The following ITGA9 variants were observed in gnomAD, a reference collection of about 807,000 sequenced individuals.
ITGA9 encodes the protein integrin subunit alpha 9.
ITGA9 carries 56 observed loss-of-function variants against 127.8 expected under a neutral mutation model. That is an observed-to-expected ratio of 0.44 (90% confidence interval 0.35 to 0.55). The LOEUF is 0.55. Among genes scored for constraint, ITGA9 ranks in the 20% least tolerant of loss-of-function variants. ITGA9 has a pLI of 0.00. For synonymous variants in ITGA9, 508 were observed against 514.5 expected (o/e 0.99, Z 0.17); for missense variants, 1,196 against 1,347.1 (o/e 0.89, Z 1.76).
At chr3:37,749,898 G>A (rs1230780134) in intron 22 of ITGA9, among the ~76,000 whole-genome samples, 3 of 152,124 alleles carry the variant, frequency 2.0e-5, no homozygotes, top group Non-Finnish European at 4.4e-5. Flanking sequence ...ACTGGCAAAG[G>A]AAAGAGGTTG....
At chr3:37,747,220 A>G (rs563422073) in intron 22 of ITGA9, among the ~76,000 whole-genome samples, 1 of 152,240 alleles carries the variant, frequency 6.6e-6, no homozygotes, top group Admixed American at 6.5e-5. Flanking sequence ...TGAACCTGTC[A>G]TCATCATCTA....
chr3:37,533,489 G>A, intron 14 of ITGA9, 21 bp downstream of exon 14: 1 of 1,613,074 alleles, frequency 6.2e-7, no homozygotes, highest in Non-Finnish European at 8.5e-7. Context: ...ACCAAGTCAG[G>A]GCTCAGGATA....
intron 19 of ITGA9, chr3:37,733,023 G>A (rs1696313527): frequency 1.8e-6 from 1 of 552,876 alleles, no homozygotes; most frequent in South Asian, 1.9e-5. Flanking sequence ...TTCACATGAT[G>A]TACCCCAAAT....
chr3:37,587,410 A>G (rs536235319), intron 15 of ITGA9, among the ~76,000 whole-genome samples: 1 of 152,344 alleles, frequency 6.6e-6, no homozygotes, highest in East Asian at 1.9e-4. Context: ...TGAAAGACAA[A>G]GGGAGTTTTA....
At position 37,819,991 on chromosome 3, in the gene ITGA9, C is replaced by T. The variant is rs1697492902; in HGVS notation, c.*1002C>T. 6.6e-6 allele frequency: 1 copy of T among 152,156 alleles called. No homozygotes were observed. The highest frequency in any genetic ancestry group is 2.4e-5 in the African/African-American group (1 of 41,420). The allele number at this position is 152,156 out of a possible 1,614,324, so 9.4% of individuals were successfully genotyped here. On this transcript the variant is annotated 3_prime_UTR_variant, in exon 28 of 28. Transcript: ENST00000264741. The stretch of plus-strand genomic sequence containing the variant: ...TCATTTCCCCTACCACCCTGGCTGT[C>T]CCAGCTAGTGGTGATTGCAGATTCC...
chr3:37,741,776 C>A lies in ITGA9; in HGVS notation c.2281C>A (p.Leu761Met). The change falls in exon 21 of 28, where the codon CTG becomes ATG. Residue 761 changes from leucine (L) to methionine (M), a missense_variant. Physicochemically the swap from Leu to Met is conservative, Grantham distance 15. Coordinates refer to ENST00000264741, the MANE Select transcript of ITGA9 (RefSeq NM_002207.3). ...SESLHDNTLV[L>M]MVPLMHEVDT... ...ATCCCTGCATGACAACACCCTCGTGCTGATGGTGCCACTGATGCACGAGGT... is the reference window on the plus strand; with the variant it reads ...ATCCCTGCATGACAACACCCTCGTGATGATGGTGCCACTGATGCACGAGGT... 1.9e-6 allele frequency: 3 copies of A among 1,613,874 alleles called. No homozygotes were observed. Among genetic ancestry groups the A allele is most frequent in the Non-Finnish European group, 2.5e-6 (3 of 1,179,906 alleles).
chr3:37,777,512 G>T lies in ITGA9; in HGVS notation c.2662G>T (p.Val888Phe), dbSNP rs777183871. ...FAFFTKSGRK[V>F]LDCEKPGISC... ...TTTTTTCACAAAGTCTGGAAGAAAA[G>T]TCTTGGTAAGGATTTGTTTAGTGGT... is the stretch of plus-strand genomic sequence containing the variant. Residue 888 changes from valine (V) to phenylalanine (F), a missense_variant, in exon 24 of 28, where the codon GTC becomes TTC. By Grantham distance (50) the Val-to-Phe change is conservative (BLOSUM62 -1). Coordinates refer to ENST00000264741, the MANE Select transcript of ITGA9 (RefSeq NM_002207.3). The T allele has an allele frequency of 6.2e-7, 1 of 1,614,178 alleles. No individual in the cohort carries two copies. Among genetic ancestry groups the T allele is most frequent in the Non-Finnish European group, 8.5e-7 (1 of 1,180,012 alleles).
In ITGA9 at chr3:37,506,090, G is replaced by A. The variant is rs1213816982; in HGVS notation, c.828+5G>A. ...CAGGACAAAGGCATCGGCAAGGTGA[G>A]GAGAAACATCTGTGGAATAGCTGGG... On this transcript the variant is annotated splice_donor_5th_base_variant and intron_variant, in intron 7 of 27. Transcript: ENST00000264741. 5 of 1,596,980 alleles carry A rather than the reference G, an allele frequency of 3.1e-6. No individual in the cohort carries two copies. The highest frequency in any genetic ancestry group is 4.3e-6 in the Non-Finnish European group (5 of 1,168,138).
chr3:37,542,502 G>A lies in ITGA9; in HGVS notation c.1606G>A (p.Gly536Arg). ...QMPRVYFVLL[G>R]ETMGQVTEKL... ...GCCCAGGGTCTACTTTGTGCTGCTGGGAGAGACCATGGGTCAGGTCACAGA... is the reference window on the plus strand; with the variant it reads ...GCCCAGGGTCTACTTTGTGCTGCTGAGAGAGACCATGGGTCAGGTCACAGA... Residue 536 changes from glycine to arginine, a missense_variant, in exon 15 of 28, where the codon GGA (glycine) becomes AGA (arginine). Physicochemically the swap from Gly to Arg is moderately radical, Grantham distance 125 (BLOSUM62 -2). Transcript: ENST00000264741. 6.2e-7 allele frequency: 1 copy of A among 1,614,100 alleles called. No homozygotes were observed. Among genetic ancestry groups the A allele is most frequent in the Non-Finnish European group, 8.5e-7 (1 of 1,180,010 alleles).
chr3:37,478,325 G>A (rs1049473284), intron 3 of ITGA9, among the ~76,000 whole-genome samples: 5 of 152,196 alleles, frequency 3.3e-5, no homozygotes, highest in African/African-American at 1.2e-4. Context: ...AGGGACTGAT[G>A]TGCCTTTGTG....
intron 16 of ITGA9, among the ~76,000 whole-genome samples, chr3:37,639,955 TGATGACA>T (rs920313862): frequency 6.6e-6 from 1 of 152,084 alleles, no homozygotes; most frequent in African/African-American, 2.4e-5. Flanking sequence ...ATACCAATGG[TGATGACA>T]GAGGCCCTGT....
chr3:37,618,038 C>G (rs1055109074), intron 15 of ITGA9, among the ~76,000 whole-genome samples: 1 of 152,210 alleles, frequency 6.6e-6, no homozygotes, highest in South Asian at 2.1e-4. Flanking sequence ...GAGAGGCACT[C>G]TCATTTTTAG....
intron 15 of ITGA9, among the ~76,000 whole-genome samples, chr3:37,561,199 A>G (rs1305256685): frequency 6.6e-6 from 1 of 152,236 alleles, no homozygotes; most frequent in Non-Finnish European, 1.5e-5. Flanking sequence ...TTAGTCCAAT[A>G]TAGCCAAAAT....
At chr3:37,789,895 A>G (rs1697088176) in intron 26 of ITGA9, 1 of 624,086 alleles carries the variant, frequency 1.6e-6, no homozygotes. Flanking sequence ...AGGAGTACAC[A>G]TAGGAAATTT....
At position 37,542,551 on chromosome 3, in the gene ITGA9, AGGAGACGTGTC is replaced by A; in HGVS notation, c.1657_1667del (p.Glu553SerfsTer20). ...GAGAAGCTGCAGCTGACTTACATGGAGGAGACGTGTCGTCACTATGTGGCCCATGTGAAGGT... is the reference window on the plus strand; with the variant it reads ...GAGAAGCTGCAGCTGACTTACATGGAGTCACTATGTGGCCCATGTGAAGGT... On this transcript the variant is annotated frameshift_variant, in exon 15 of 28. Coordinates refer to ENST00000264741, the MANE Select transcript of ITGA9 (RefSeq NM_002207.3). LOFTEE classifies it high-confidence loss of function. 6.2e-7 allele frequency: 1 copy of A among 1,614,132 alleles called. No individual in the cohort carries two copies. Among genetic ancestry groups the A allele is most frequent in the Non-Finnish European group, 8.5e-7 (1 of 1,180,016 alleles).
intron 15 of ITGA9, among the ~76,000 whole-genome samples, chr3:37,568,306 C>T (rs1411045723): frequency 6.6e-6 from 1 of 152,168 alleles, no homozygotes; most frequent in South Asian, 2.1e-4. Context: ...AGCAGGGGGA[C>T]CCCAGGCCTG....
At chr3:37,575,716 A>G (rs1331653713) in intron 15 of ITGA9, among the ~76,000 whole-genome samples, 2 of 152,106 alleles carry the variant, frequency 1.3e-5, no homozygotes, top group Non-Finnish European at 2.9e-5. Context: ...TCATCCTGGT[A>G]GAAGGGAGAC....
intron 15 of ITGA9, among the ~76,000 whole-genome samples, chr3:37,574,638 T>C (rs1248215987): frequency 6.6e-6 from 1 of 152,240 alleles, no homozygotes; most frequent in African/African-American, 2.4e-5. Flanking sequence ...GCCCCACAGT[T>C]GATTTCTTAT....
At chr3:37,484,389 GCT>G in intron 4 of ITGA9, among the ~76,000 whole-genome samples, 1 of 152,260 alleles carries the variant, frequency 6.6e-6, no homozygotes, top group Admixed American at 6.5e-5. Context: ...TCTTGTCTGT[GCT>G]CTGTTGGCTT....
Sources: allele counts gnomAD v4.1 joint callset (sites outside exome capture counted in the v4.1 genomes callset), GRCh38; gene constraint gnomAD v4.1.1; transcripts MANE v1.5; gene names NCBI Gene and HGNC (gene_info 2026-07-23, HGNC 2026-07-21).